The following NAV2 variants were observed in gnomAD, a reference collection of about 807,000 sequenced individuals.
NAV2 encodes neuron navigator 2, also known as helicase, APC down-regulated 1.
Under a neutral mutation model 223.2 loss-of-function variants are expected in NAV2, and 54 were observed. The ratio of observed to expected loss-of-function variants is 0.24; its 90% confidence interval spans 0.19 to 0.30. The LOEUF is 0.30. NAV2 is among the 10% of genes least tolerant of loss of function. NAV2 has a pLI of 1.00. For synonymous variants in NAV2, 1,279 were observed against 1,239.3 expected, an observed-to-expected ratio of 1.03 and a Z score of -0.67; for missense variants, 2,806 against 3,147.5, an observed-to-expected ratio of 0.89 and a Z score of 2.60.
intron 6 of NAV2, among the ~76,000 whole-genome samples, chr11:19,918,337 C>G (rs1231039292): frequency 1.3e-5 from 2 of 152,232 alleles, no homozygotes; most frequent in African/African-American, 4.8e-5. Context: ...GGTCAATAGT[C>G]AGTTTGATAT....
intron 1 of NAV2, among the ~76,000 whole-genome samples, chr11:19,433,052 G>A (rs1851091163): frequency 6.6e-6 from 1 of 152,148 alleles, no homozygotes; most frequent in Non-Finnish European, 1.5e-5. Flanking sequence ...TATGTTCTGA[G>A]GAAGAGTCCT....
At chr11:20,002,089 G>A (rs571145714) in intron 11 of NAV2, among the ~76,000 whole-genome samples, 12 of 152,256 alleles carry the variant, frequency 7.9e-5, no homozygotes, top group South Asian at 4.2e-4. Flanking sequence ...CTACTTGTAC[G>A]TTCACATGGC....
chr11:19,880,219 T>C (rs2063115723), intron 5 of NAV2, 92 bp downstream of exon 5: 2 of 1,438,068 alleles, frequency 1.4e-6, no homozygotes, highest in Non-Finnish European at 9.2e-7. Flanking sequence ...GCTTTTTCAT[T>C]TGTGCTTCTT....
chr11:19,620,658 G>A (rs2135411170), intron 1 of NAV2, among the ~76,000 whole-genome samples: 1 of 152,208 alleles, frequency 6.6e-6, no homozygotes, highest in Non-Finnish European at 1.5e-5. Flanking sequence ...ACGAGATTTA[G>A]GGCTGAGATG....
intron 11 of NAV2, among the ~76,000 whole-genome samples, chr11:20,030,252 C>T (rs1156890448): frequency 6.6e-6 from 1 of 152,118 alleles, no homozygotes; most frequent in Non-Finnish European, 1.5e-5. Flanking sequence ...GAGAAGATGC[C>T]ATCGTGGGTT....
At chr11:20,077,813 A>T (rs888281470) in intron 23 of NAV2, among the ~76,000 whole-genome samples, 178 bp downstream of exon 23, 1 of 152,212 alleles carries the variant, frequency 6.6e-6, no homozygotes, top group Admixed American at 6.5e-5. Flanking sequence ...AATGGCATCA[A>T]TGATAGATCT....
At chr11:19,682,781 G>A (rs1388708253) in intron 1 of NAV2, among the ~76,000 whole-genome samples, 1 of 152,170 alleles carries the variant, frequency 6.6e-6, no homozygotes, top group Non-Finnish European at 1.5e-5. Context: ...ACTATCAGGA[G>A]TATGACGCTA....
At chr11:19,791,805 C>G (rs929538866) in intron 1 of NAV2, among the ~76,000 whole-genome samples, 11 of 152,160 alleles carry the variant, frequency 7.2e-5, no homozygotes, top group African/African-American at 2.2e-4. Flanking sequence ...TCAGCTTTGC[C>G]AAGCACTGCT....
chr11:19,871,376 C>T (rs938700233), intron 4 of NAV2, among the ~76,000 whole-genome samples: 1 of 152,168 alleles, frequency 6.6e-6, no homozygotes. Context: ...TGGGGGCATG[C>T]CGGCGTGACT....
chr11:19,582,174 T>C (rs1417515447), intron 1 of NAV2, among the ~76,000 whole-genome samples: 3 of 152,236 alleles, frequency 2.0e-5, no homozygotes, highest in Non-Finnish European at 4.4e-5. Flanking sequence ...TTTTGAGAAG[T>C]GTCTGTTCAT....
intron 1 of NAV2, among the ~76,000 whole-genome samples, chr11:19,741,313 A>G (rs1211257133): frequency 6.6e-6 from 1 of 152,024 alleles, no homozygotes; most frequent in East Asian, 1.9e-4. Flanking sequence ...TTCAGCATAC[A>G]ATATAATATT....
intron 1 of NAV2, among the ~76,000 whole-genome samples, chr11:19,521,096 C>T (rs528273225): frequency 2.0e-4 from 30 of 152,330 alleles, no homozygotes; most frequent in African/African-American, 6.7e-4. Flanking sequence ...TGAGGCGGGG[C>T]GTGGTGATGG....
chr11:20,027,337 A>G, intron 11 of NAV2: 1 of 985,520 alleles, frequency 1.0e-6, no homozygotes, highest in Non-Finnish European at 1.2e-6. Context: ...TGCCTTGAAC[A>G]ATAGCCAGAA....
At chr11:19,799,789 C>A (rs566876256) in intron 1 of NAV2, among the ~76,000 whole-genome samples, 19 of 152,158 alleles carry the variant, frequency 1.2e-4, no homozygotes, top group African/African-American at 3.1e-4. Flanking sequence ...CACCACCCCC[C>A]ACACCTGCCC....
intron 12 of NAV2, among the ~76,000 whole-genome samples, chr11:20,037,217 A>C (rs980922319): frequency 6.6e-6 from 1 of 152,016 alleles, no homozygotes; most frequent in African/African-American, 2.4e-5. Context: ...AGTCTCTCAG[A>C]GCAACCTTGC....
intron 1 of NAV2, among the ~76,000 whole-genome samples, chr11:19,636,962 CA>C (rs1299162133): frequency 6.6e-6 from 1 of 152,204 alleles, no homozygotes; most frequent in Non-Finnish European, 1.5e-5. Context: ...TAAAAATATT[CA>C]AATGGGCCAG....
At chr11:19,967,324 G>C (rs1474773851) in intron 10 of NAV2, among the ~76,000 whole-genome samples, 4 of 152,074 alleles carry the variant, frequency 2.6e-5, no homozygotes, top group Non-Finnish European at 5.9e-5. Flanking sequence ...AAGCAACAGA[G>C]TTTCTGCTAG....
intron 1 of NAV2, among the ~76,000 whole-genome samples, chr11:19,455,746 T>C (rs182591634): frequency 6.6e-6 from 1 of 152,302 alleles, no homozygotes; most frequent in East Asian, 1.9e-4. Context: ...AATTCCTCCC[T>C]CCTTTGTGCA....
intron 7 of NAV2, among the ~76,000 whole-genome samples, chr11:19,937,495 C>G (rs1157886484): frequency 6.6e-6 from 1 of 152,122 alleles, no homozygotes. Context: ...CACTTTATCA[C>G]TTTATAGTTT....
Sources: gnomAD v4.1 joint callset for allele counts (sites outside exome capture counted in the v4.1 genomes callset) on GRCh38, gnomAD v4.1.1 for gene constraint, MANE v1.5 for transcripts, NCBI Gene and HGNC (gene_info 2026-07-23, HGNC 2026-07-21) for gene names.